The following FAM53B variants were observed in gnomAD, a reference collection of about 807,000 sequenced individuals.
The protein encoded by FAM53B is family with sequence similarity 53 member B.
A neutral mutation model predicts 32.7 loss-of-function variants in FAM53B; 12 were observed. That is an observed-to-expected ratio of 0.37 (90% CI 0.24 to 0.59). The LOEUF (loss-of-function observed/expected upper bound fraction) is 0.59. FAM53B is among the 20% of genes least tolerant of loss of function. The pLI is 0.72. For missense variants in FAM53B, 477 were observed against 577.7 expected (o/e 0.83, Z 1.79); for synonymous variants, 234 against 228.7 (o/e 1.02, Z -0.21).
chr10:124,734,093 G>T (rs914481173), intron 1 of FAM53B, among the ~76,000 whole-genome samples: 1 of 152,230 alleles, frequency 6.6e-6, no homozygotes, highest in African/African-American at 2.4e-5. Flanking sequence ...CTTCAGCTCA[G>T]TTAGAGAGAC....
intron 3 of FAM53B, among the ~76,000 whole-genome samples, chr10:124,693,583 C>A (rs1263626510): frequency 6.6e-6 from 1 of 152,166 alleles, no homozygotes; most frequent in East Asian, 1.9e-4. Flanking sequence ...TGAGCTTCCA[C>A]TAGACAGAGT....
intron 1 of FAM53B, among the ~76,000 whole-genome samples, chr10:124,726,865 C>A (rs1405227761): frequency 2.6e-5 from 4 of 152,226 alleles, no homozygotes; most frequent in African/African-American, 9.6e-5. Flanking sequence ...CATGTTTCAT[C>A]TACCCTAAGA....
intron 3 of FAM53B, among the ~76,000 whole-genome samples, chr10:124,691,074 T>C (rs1388754024): frequency 6.6e-6 from 1 of 152,234 alleles, no homozygotes; most frequent in East Asian, 1.9e-4. Flanking sequence ...TTTCCTGCAA[T>C]GCGCAATCAT....
intron 4 of FAM53B, among the ~76,000 whole-genome samples, chr10:124,632,463 T>A (rs1023865616): frequency 6.6e-6 from 1 of 152,220 alleles, no homozygotes; most frequent in African/African-American, 2.4e-5. Flanking sequence ...CCCACAGACC[T>A]TGAATAGAGT....
At chr10:124,642,195 C>G (rs1949480219) in intron 4 of FAM53B, among the ~76,000 whole-genome samples, 1 of 152,242 alleles carries the variant, frequency 6.6e-6, no homozygotes, top group South Asian at 2.1e-4. Context: ...CTCTCACCCT[C>G]AAGAACAGTA....
chr10:124,711,675 C>T (rs1025467575), intron 1 of FAM53B, among the ~76,000 whole-genome samples: 5 of 152,064 alleles, frequency 3.3e-5, no homozygotes, highest in East Asian at 1.9e-4. Context: ...ACCGTGTGCG[C>T]GGGAAGGGGA....
rs1297591810 is a variant in FAM53B, at chr10:124,682,388, T to A, written c.134-9A>T. On this transcript the variant is annotated splice_polypyrimidine_tract_variant and intron_variant, in intron 3 of 4. Transcript: ENST00000337318. This position sits in a 1 kb window ranked among gnomAD's most constrained non-coding sequence, Gnocchi z 5.2. ...TCGCCATCTGTCATTTTCTGGTTCA[T>A]AAATGACAAGGAGAAAACAGGATTT... 6.3e-7 allele frequency: 1 copy of A among 1,587,592 alleles called. No individual in the cohort carries two copies. The highest frequency in any genetic ancestry group is 1.7e-5 in the Admixed American group (1 of 58,742).
chr10:124,692,646 C>T (rs1804996445), intron 3 of FAM53B, among the ~76,000 whole-genome samples: 2 of 123,722 alleles, frequency 1.6e-5, no homozygotes, highest in African/African-American at 3.1e-5. Flanking sequence ...ACCCAGGAGG[C>T]GGAGGTTGCC....
intron 4 of FAM53B, among the ~76,000 whole-genome samples, chr10:124,665,849 A>G (rs1464740365): frequency 6.6e-6 from 1 of 152,218 alleles, no homozygotes; most frequent in Non-Finnish European, 1.5e-5. Flanking sequence ...CAAAGAGATT[A>G]ATCTAGAATT....
chr10:124,692,163 G>A (rs772015086), intron 3 of FAM53B, among the ~76,000 whole-genome samples: 24 of 152,294 alleles, frequency 1.6e-4, no homozygotes, highest in African/African-American at 3.9e-4. Flanking sequence ...CTGTGGTGGC[G>A]GCTGAGCTGG....
At chr10:124,638,130 G>T (rs1949445702) in intron 4 of FAM53B, among the ~76,000 whole-genome samples, 1 of 152,200 alleles carries the variant, frequency 6.6e-6, no homozygotes, top group African/African-American at 2.4e-5. Context: ...AGGACTTTGG[G>T]AAGCTGAGGC....
chr10:124,725,559 C>T (rs949025411), intron 1 of FAM53B, among the ~76,000 whole-genome samples: 3 of 152,172 alleles, frequency 2.0e-5, no homozygotes, highest in South Asian at 2.1e-4. Context: ...TCTGTCAGCT[C>T]GACCCAAATG....
intron 4 of FAM53B, among the ~76,000 whole-genome samples, chr10:124,640,427 T>G (rs1949463129): frequency 6.6e-6 from 1 of 152,204 alleles, no homozygotes; most frequent in African/African-American, 2.4e-5. Flanking sequence ...CCCTGAAGAA[T>G]GTGCAGGGCT....
chr10:124,689,373 C>T (rs1290434810), intron 3 of FAM53B, among the ~76,000 whole-genome samples: 3 of 152,166 alleles, frequency 2.0e-5, no homozygotes, highest in Admixed American at 6.5e-5. Context: ...AGTCTCTTTG[C>T]CTGTATGACC....
chr10:124,706,627 G>T lies in FAM53B; in HGVS notation c.78+9C>A. ...GTCATGGAAAGCAGGAAGCCTGCCAGGTCCTCACCAGTTCACGGCTGAAGG... is the reference window on the plus strand; with the variant it reads ...GTCATGGAAAGCAGGAAGCCTGCCATGTCCTCACCAGTTCACGGCTGAAGG... On this transcript the variant is annotated intron_variant, in intron 2 of 4. Transcript: ENST00000337318. 1 of 1,614,182 alleles carries T rather than the reference G, an allele frequency of 6.2e-7. No individual in the cohort carries two copies. Among genetic ancestry groups the T allele is most frequent in the Non-Finnish European group, 8.5e-7 (1 of 1,180,028 alleles).
At chr10:124,700,338 G>T (rs1949906910) in intron 2 of FAM53B, among the ~76,000 whole-genome samples, 1 of 152,190 alleles carries the variant, frequency 6.6e-6, no homozygotes. Flanking sequence ...ACCCACAGTG[G>T]GAAGAATGAG....
At chr10:124,686,684 T>TC (rs967967571) in intron 3 of FAM53B, among the ~76,000 whole-genome samples, 1 of 152,216 alleles carries the variant, frequency 6.6e-6, no homozygotes, top group African/African-American at 2.4e-5. Flanking sequence ...CCAGTGTGGC[T>TC]CCCCAGTGCC....
At chr10:124,707,212 G>C (rs1236630097) in intron 1 of FAM53B, among the ~76,000 whole-genome samples, 1 of 152,190 alleles carries the variant, frequency 6.6e-6, no homozygotes, top group African/African-American at 2.4e-5. Flanking sequence ...GCATACTCAA[G>C]TCATGTGACA....
intron 4 of FAM53B, among the ~76,000 whole-genome samples, chr10:124,646,429 C>T (rs1461809667): frequency 6.6e-6 from 1 of 152,224 alleles, no homozygotes; most frequent in African/African-American, 2.4e-5. Flanking sequence ...TACAGCCAAG[C>T]GTGTAAGGAA....
Sources: gnomAD v4.1 joint callset for allele counts (sites outside exome capture counted in the v4.1 genomes callset) on GRCh38, gnomAD v4.1.1 for gene constraint, Gnocchi (gnomAD v3.1) non-coding constraint, MANE v1.5 for transcripts, NCBI Gene and HGNC (gene_info 2026-07-23, HGNC 2026-07-21) for gene names.